Variants in ZNF385D observed in about 807,000 individuals in gnomAD.
ZNF385D encodes zinc finger protein 659.
Under a neutral mutation model 35.8 loss-of-function variants are expected in ZNF385D, and 15 were observed. That is an observed-to-expected ratio of 0.42 (90% CI 0.28 to 0.64). The LOEUF (loss-of-function observed/expected upper bound fraction) is 0.64. ZNF385D is among the 30% of genes least tolerant of loss of function. ZNF385D has a pLI of 0.23. For missense variants in ZNF385D, 474 were observed against 494.6 expected, an observed-to-expected ratio of 0.96 and a Z score of 0.39; for synonymous variants, 212 against 186.8, an observed-to-expected ratio of 1.13 and a Z score of -1.10.
At chr3:21,507,022 A>G (rs1706818217) in intron 4 of ZNF385D, among the ~76,000 whole-genome samples, 1 of 152,148 alleles carries the variant, frequency 6.6e-6, no homozygotes, top group African/African-American at 2.4e-5. Context: ...AGCTAACCCC[A>G]TGGTTTAGAT....
chr3:21,763,466 A>C (rs955007703), intron 3 of ZNF385D, among the ~76,000 whole-genome samples: 1 of 152,230 alleles, frequency 6.6e-6, no homozygotes, highest in Non-Finnish European at 1.5e-5. Context: ...GAACAAATAC[A>C]TCAGCTTTGA....
intron 3 of ZNF385D, among the ~76,000 whole-genome samples, chr3:21,929,494 T>A (rs879873136): frequency 6.6e-6 from 1 of 152,082 alleles, no homozygotes; most frequent in Admixed American, 6.5e-5. Flanking sequence ...GTGTTTGGAT[T>A]ATAAAGCAAA....
At chr3:22,085,058 T>C (rs1272136900) in intron 3 of ZNF385D, among the ~76,000 whole-genome samples, 1 of 152,218 alleles carries the variant, frequency 6.6e-6, no homozygotes, top group Non-Finnish European at 1.5e-5. Context: ...TCAGAATCTC[T>C]GCGACACATT....
chr3:21,768,976 A>T (rs1291001484), intron 3 of ZNF385D, among the ~76,000 whole-genome samples: 1 of 151,906 alleles, frequency 6.6e-6, no homozygotes, highest in African/African-American at 2.4e-5. Context: ...GGCTCAGGAA[A>T]ACAAAAACAA....
Position 21,713,773 on chromosome 3 carries a change from A to G in ZNF385D, c.22+37122T>C, listed in dbSNP as rs372208892. ...CCCTACCCATACCACCCAGTCCCAC[A>G]GTCAGAGACTGCATTTTGTCATTAC... is the stretch of plus-strand genomic sequence containing the variant. On this transcript the variant is annotated intron_variant, in intron 1 of 7. Coordinates refer to ENST00000281523, the MANE Select transcript of ZNF385D (RefSeq NM_024697.3). Among the ~76,000 whole-genome samples the G allele has an allele frequency of 1.5e-4, 23 of 152,320 alleles. 1 individual carries two copies. In the East Asian group the frequency reaches 3.3e-3, roughly 22 times the overall value.
intron 2 of ZNF385D, among the ~76,000 whole-genome samples, chr3:22,217,122 A>G (rs1344501635): frequency 6.6e-6 from 1 of 152,182 alleles, no homozygotes; most frequent in Non-Finnish European, 1.5e-5. Flanking sequence ...GTGAATTTGC[A>G]AGAGAGGAAG....
At chr3:21,716,692 G>GTATTTTCA (rs2068331466) in intron 1 of ZNF385D, among the ~76,000 whole-genome samples, 2 of 152,056 alleles carry the variant, frequency 1.3e-5, no homozygotes, top group African/African-American at 2.4e-5. Context: ...ACTTAAAAAT[G>GTATTTTCA]TATTTTCATA....
intron 3 of ZNF385D, among the ~76,000 whole-genome samples, chr3:21,766,556 A>G (rs528762971): frequency 6.6e-6 from 1 of 152,272 alleles, no homozygotes; most frequent in African/African-American, 2.4e-5. Flanking sequence ...GTAACTCACT[A>G]TATATCTGCT....
chr3:22,136,196 A>T lies in ZNF385D; in HGVS notation c.325+32621T>A, dbSNP rs751447465. On this transcript the variant is annotated intron_variant, in intron 3 of 5. Transcript: ENST00000494108. ...CTCAGGAGTTTGAGACCAGCCTGGG[A>T]AACATGGTGAAACCTCATCTCTACT... Among the ~76,000 whole-genome samples the T allele has an allele frequency of 3.9e-5, 6 of 152,152 alleles. No homozygotes were observed. The South Asian group carries it at 1.2e-3, about 32-fold the overall frequency.
At chr3:22,142,353 T>C (rs918355596) in intron 3 of ZNF385D, among the ~76,000 whole-genome samples, 2 of 152,246 alleles carry the variant, frequency 1.3e-5, no homozygotes, top group African/African-American at 2.4e-5. Context: ...GTTTATTCGA[T>C]ATTATCTCCA....
intron 3 of ZNF385D, among the ~76,000 whole-genome samples, chr3:21,780,971 C>G (rs550131634): frequency 2.0e-5 from 3 of 152,098 alleles, no homozygotes; most frequent in South Asian, 4.1e-4. Context: ...AAGTTTAGAG[C>G]TGACATAGCA....
chr3:21,875,678 C>T (rs1697926520), intron 3 of ZNF385D, among the ~76,000 whole-genome samples: 1 of 152,140 alleles, frequency 6.6e-6, no homozygotes, highest in Non-Finnish European at 1.5e-5. Flanking sequence ...CTCACTTCTC[C>T]CTCAACCAGC....
chr3:21,833,572 G>A lies in ZNF385D; in HGVS notation c.326-168544C>T, dbSNP rs61368939. Among the ~76,000 whole-genome samples the A allele has an allele frequency of 7.0e-3, 1,070 of 152,222 alleles. 15 individuals carry two copies. Among genetic ancestry groups the A allele is most frequent in the African/African-American group, 0.024 (1,001 of 41,546 alleles). ...CCAGAGAAAGTGTGGCCCTGCCACC[G>A]CTTGATTTTGGACTTCTGACCCTCA... On this transcript the variant is annotated intron_variant, in intron 3 of 5. Transcript: ENST00000494108.
chr3:22,139,922 T>C lies in ZNF385D; in HGVS notation c.325+28895A>G, dbSNP rs183627279. Among the ~76,000 whole-genome samples the C allele has an allele frequency of 2.6e-5, 4 of 152,296 alleles. No individual in the cohort carries two copies. In the East Asian group the frequency reaches 7.7e-4, roughly 29 times the overall value. On this transcript the variant is annotated intron_variant, in intron 3 of 5. Coordinates refer to the ZNF385D transcript ENST00000494108. Reference sequence around the variant, plus strand: ...AAATATATCTACACTCCCATTAAAATGGCTAAAATGAAAAGAATATACTGA... The same window carrying C: ...AAATATATCTACACTCCCATTAAAACGGCTAAAATGAAAAGAATATACTGA...
chr3:21,710,317 T>C (rs2068054109), intron 1 of ZNF385D, among the ~76,000 whole-genome samples: 1 of 152,176 alleles, frequency 6.6e-6, no homozygotes, highest in Non-Finnish European at 1.5e-5. Context: ...AGATACTTGC[T>C]TTTTTAGTAA....
chr3:22,184,903 A>G (rs1695525178), intron 2 of ZNF385D, among the ~76,000 whole-genome samples: 1 of 152,150 alleles, frequency 6.6e-6, no homozygotes, highest in South Asian at 2.1e-4. Context: ...ACCTGTTTTT[A>G]AAATTTGTAG....
chr3:21,562,615 C>G (rs2062991333), intron 3 of ZNF385D, among the ~76,000 whole-genome samples: 1 of 152,228 alleles, frequency 6.6e-6, no homozygotes, highest in Non-Finnish European at 1.5e-5. Flanking sequence ...TAAGTAGTCT[C>G]ATTAAATATA....
At chr3:22,086,066 G>C (rs572851627) in intron 3 of ZNF385D, among the ~76,000 whole-genome samples, 1 of 152,240 alleles carries the variant, frequency 6.6e-6, no homozygotes, top group South Asian at 2.1e-4. Context: ...AATAATAAGA[G>C]CTATTTATGA....
chr3:22,234,483 G>T (rs79148486), intron 2 of ZNF385D, among the ~76,000 whole-genome samples: 2,156 of 151,884 alleles, frequency 0.014, 51 homozygotes, highest in African/African-American at 0.049. Flanking sequence ...TAATGCCCTA[G>T]ATTTTTTTTT....
Sources: allele counts gnomAD v4.1 joint callset (sites outside exome capture counted in the v4.1 genomes callset), GRCh38; gene constraint gnomAD v4.1.1; transcripts MANE v1.5; gene names NCBI Gene and HGNC (gene_info 2026-07-23, HGNC 2026-07-21).